SKA2: variants seen among roughly 807,000 people sequenced by gnomAD.
SKA2 encodes spindle and kinetochore associated complex subunit 2.
A neutral mutation model predicts 16.9 loss-of-function variants in SKA2; 13 were observed. The observed-to-expected ratio is 0.77, with a 90% CI of 0.50 to 1.22. The LOEUF (loss-of-function observed/expected upper bound fraction) is 1.22. Among genes scored for constraint, SKA2 ranks in the 50% most tolerant of loss-of-function variants. The pLI is 0.00. For synonymous variants in SKA2, 47 were observed against 48.5 expected, an observed-to-expected ratio of 0.97 and a Z score of 0.13; for missense variants, 107 against 139.7, an observed-to-expected ratio of 0.77 and a Z score of 1.18.
intron 1 of SKA2, among the ~76,000 whole-genome samples, chr17:59,136,004 C>G (rs746029567): frequency 6.6e-6 from 1 of 151,656 alleles, no homozygotes; most frequent in Non-Finnish European, 1.5e-5. Flanking sequence ...TATAATCTCT[C>G]CTGTGACTAG....
intron 1 of SKA2, among the ~76,000 whole-genome samples, chr17:59,153,641 G>A (rs2046593954): frequency 6.6e-6 from 1 of 152,222 alleles, no homozygotes; most frequent in Non-Finnish European, 1.5e-5. Context: ...TTCCAAGGAA[G>A]AAGTTAGAGA....
intron 1 of SKA2, among the ~76,000 whole-genome samples, chr17:59,144,336 G>T (rs2046515761): frequency 6.6e-6 from 1 of 151,788 alleles, no homozygotes; most frequent in Non-Finnish European, 1.5e-5. Flanking sequence ...TATAGCAGTT[G>T]TGGAAAACAG....
chr17:59,143,763 C>T (rs1297052549), intron 1 of SKA2, among the ~76,000 whole-genome samples: 3 of 152,156 alleles, frequency 2.0e-5, no homozygotes, highest in Non-Finnish European at 2.9e-5. Flanking sequence ...TGAGCCACCA[C>T]GCCTGGCCCC....
chr17:59,154,121 G>A (rs1254592557), intron 1 of SKA2, among the ~76,000 whole-genome samples: 1 of 149,528 alleles, frequency 6.7e-6, no homozygotes, highest in Non-Finnish European at 1.5e-5. Flanking sequence ...GAGCTCAGTG[G>A]CAGGCGCTTC....
chr17:59,147,221 AAAAAACAAAAAC>A (rs369241944), intron 1 of SKA2, among the ~76,000 whole-genome samples: 34 of 152,222 alleles, frequency 2.2e-4, no homozygotes, highest in South Asian at 4.1e-4. Context: ...TAGGTTATTA[AAAAAACAAAAAC>A]AAAAACAAAA....
rs994018406 is a variant in SKA2 at position 59,110,011 on chromosome 17, T to C, written c.*2266A>G. On this transcript the variant is annotated 3_prime_UTR_variant, in exon 4 of 4. Transcript: ENST00000330137. The stretch of plus-strand genomic sequence containing the variant: ...AAGATAAAGGGATGCAAATTAGTTA[T>C]ACAGGTTTTAATTCCAGACAACAGA... The C allele has an allele frequency of 2.0e-5, 3 of 152,206 alleles. No homozygotes were observed. The highest frequency in any genetic ancestry group is 7.2e-5 in the African/African-American group (3 of 41,462). 9.4% of individuals were successfully genotyped at this position (152,206 alleles called of 1,614,324 possible).
At chr17:59,139,481 G>C (rs1362164477) in intron 1 of SKA2, among the ~76,000 whole-genome samples, 2 of 150,828 alleles carry the variant, frequency 1.3e-5, no homozygotes. Context: ...AACTAGTTTG[G>C]CTATAATCAA....
intron 1 of SKA2, among the ~76,000 whole-genome samples, chr17:59,132,729 C>CA (rs1448071168): frequency 4.6e-5 from 7 of 152,146 alleles, no homozygotes; most frequent in African/African-American, 1.7e-4. Context: ...CGATGATATA[C>CA]AAAAAAATAC....
At chr17:59,113,837 A>C (rs1164703530) in intron 3 of SKA2, among the ~76,000 whole-genome samples, 1 of 152,122 alleles carries the variant, frequency 6.6e-6, no homozygotes, top group East Asian at 1.9e-4. Flanking sequence ...AAAAAAAAAA[A>C]AAAGATAAAG....
At chr17:59,116,120 C>G (rs944029084) in intron 3 of SKA2, among the ~76,000 whole-genome samples, 1 of 152,118 alleles carries the variant, frequency 6.6e-6, no homozygotes, top group Non-Finnish European at 1.5e-5. Flanking sequence ...CCTATAATCC[C>G]AGCACTTTGA....
chr17:59,131,197 A>G, intron 2 of SKA2, 84 bp downstream of exon 2: 1 of 849,140 alleles, frequency 1.2e-6, no homozygotes, highest in Non-Finnish European at 1.8e-6. Flanking sequence ...CTTATGATCT[A>G]TTACTATTAG....
At chr17:59,128,945 TAA>T (rs1292806179) in intron 2 of SKA2, among the ~76,000 whole-genome samples, 1 of 152,140 alleles carries the variant, frequency 6.6e-6, no homozygotes, top group Non-Finnish European at 1.5e-5. Context: ...GCTGCTTTTT[TAA>T]AAAGTTGCAG....
At chr17:59,119,690 A>G (rs1189345074) in intron 2 of SKA2, among the ~76,000 whole-genome samples, 195 bp from the exon 3 acceptor site, 1 of 152,200 alleles carries the variant, frequency 6.6e-6, no homozygotes, top group Non-Finnish European at 1.5e-5. Context: ...CCTATTCTCA[A>G]GGAATTTATA....
intron 1 of SKA2, among the ~76,000 whole-genome samples, chr17:59,148,808 C>CAAAAA (rs758187008): frequency 6.8e-3 from 311 of 45,830 alleles, no homozygotes; most frequent in Middle Eastern, 0.018. Flanking sequence ...GACCCTGTCT[C>CAAAAA]AAAAAAAAAA....
In SKA2 at chr17:59,112,016, T is replaced by C; in HGVS notation, c.*261A>G. On this transcript the variant is annotated 3_prime_UTR_variant, in exon 4 of 4. Coordinates refer to ENST00000330137, the MANE Select transcript of SKA2 (RefSeq NM_182620.4). ...AATTTCTGGCCTGAAATTACAAGAC[T>C]AAGTGTGTGTGTGCATGCGTGTGTA... The C allele has an allele frequency of 2.9e-6, 1 of 348,102 alleles. No individual in the cohort carries two copies. The highest frequency in any genetic ancestry group is 5.4e-6 in the Non-Finnish European group (1 of 184,794). The allele number at this position is 348,102 out of a possible 1,614,324, so 21.6% of individuals were successfully genotyped here.
intron 1 of SKA2, among the ~76,000 whole-genome samples, chr17:59,153,833 G>C (rs2046596033): frequency 6.6e-6 from 1 of 151,644 alleles, no homozygotes; most frequent in Admixed American, 6.6e-5. Context: ...GTACAGTGAC[G>C]CGATCTCGGC....
At chr17:59,123,190 A>G (rs1312451872) in intron 2 of SKA2, among the ~76,000 whole-genome samples, 2 of 151,732 alleles carry the variant, frequency 1.3e-5, no homozygotes, top group Non-Finnish European at 2.9e-5. Context: ...GAAGACAGGA[A>G]TAAATATGGG....
chr17:59,125,568 C>T (rs1437870912), intron 2 of SKA2, among the ~76,000 whole-genome samples: 3 of 150,350 alleles, frequency 2.0e-5, no homozygotes, highest in Non-Finnish European at 4.4e-5. Context: ...AGGATAGTAG[C>T]GGGTACCTGT....
intron 1 of SKA2, among the ~76,000 whole-genome samples, chr17:59,144,767 G>A (rs140048778): frequency 1.3e-5 from 2 of 152,226 alleles, no homozygotes; most frequent in East Asian, 1.9e-4. Context: ...GACGCTGGGG[G>A]GAGGGGAAAA....
Sources: gnomAD v4.1 joint callset for allele counts (sites outside exome capture counted in the v4.1 genomes callset) on GRCh38, gnomAD v4.1.1 for gene constraint, MANE v1.5 for transcripts, NCBI Gene and HGNC (gene_info 2026-07-23, HGNC 2026-07-21) for gene names.